Variants in ACTN2 observed in about 807,000 individuals in gnomAD.
ACTN2 encodes alpha-actinin-2.
ACTN2 carries 39 observed loss-of-function variants against 113.8 expected under a neutral mutation model. The ratio of observed to expected loss-of-function variants is 0.34; its 90% CI spans 0.27 to 0.45. The LOEUF is 0.45. ACTN2 is among the 20% of genes least tolerant of loss of function. ACTN2 has a pLI of 1.00. For synonymous variants in ACTN2, 429 were observed against 444.1 expected, an observed-to-expected ratio of 0.97 and a Z score of 0.43; for missense variants, 992 against 1,177.9, an observed-to-expected ratio of 0.84 and a Z score of 2.31.
chr1:236,737,584 A>C, intron 9 of ACTN2, among the ~76,000 whole-genome samples: 2 of 149,604 alleles, frequency 1.3e-5, no homozygotes, highest in African/African-American at 2.5e-5. Flanking sequence ...TACCAACATC[A>C]CATAGGATGC....
intron 8 of ACTN2, chr1:236,736,882 G>A (rs745362452): frequency 6.6e-5 from 40 of 604,736 alleles, no homozygotes; most frequent in East Asian, 2.5e-4. Context: ...CTCTCTCCCC[G>A]TTATTCCCTA....
At chr1:236,759,696 C>G (rs1028596844) in intron 18 of ACTN2, 28 bp from the exon 19 acceptor site, 1 of 1,608,472 alleles carries the variant, frequency 6.2e-7, no homozygotes, top group African/African-American at 1.3e-5. Flanking sequence ...CTGTGCTCAC[C>G]TGCTCTGTCC....
intron 10 of ACTN2, among the ~76,000 whole-genome samples, chr1:236,740,008 C>T (rs1659019177): frequency 6.6e-6 from 1 of 152,188 alleles, no homozygotes; most frequent in African/African-American, 2.4e-5. Flanking sequence ...AAGCTAAAAC[C>T]AAGGACTCCA....
chr1:236,751,907 G>GGTTGTGTCCTAATACCATATA (rs1659407637), intron 15 of ACTN2, among the ~76,000 whole-genome samples: 1 of 152,068 alleles, frequency 6.6e-6, no homozygotes. Flanking sequence ...CACAACCACT[G>GGTTGTGTCCTAATACCATATA]TAGGTTATGA....
Position 236,739,399 on chromosome 1 carries a change from A to T in ACTN2, c.974A>T (p.Asp325Val). The T allele has an allele frequency of 5.6e-6, 9 of 1,614,028 alleles. No individual in the cohort carries two copies. The highest frequency in any genetic ancestry group is 7.6e-6 in the Non-Finnish European group (9 of 1,180,014). ...CAGAAGAAGCTGGAGGACTTCCGGG[A>T]TTACCGCCGGAAGCACAAGCCACCC... is the stretch of plus-strand genomic sequence containing the variant. ...AMQKKLEDFR[D>V]YRRKHKPPKV... Residue 325 changes from aspartate (D) to valine (V), a missense_variant, in exon 10 of 21, where the codon GAT becomes GTT. Asp to Val is a radical substitution (Grantham distance 152). Transcript: ENST00000366578.
intron 10 of ACTN2, among the ~76,000 whole-genome samples, chr1:236,740,947 C>T (rs1315851464): frequency 6.6e-6 from 1 of 152,236 alleles, no homozygotes; most frequent in African/African-American, 2.4e-5. Context: ...TGCCTCCTCC[C>T]TCTACCTGTA....
At chr1:236,713,071 C>A (rs977146926) in intron 1 of ACTN2, among the ~76,000 whole-genome samples, 1 of 151,716 alleles carries the variant, frequency 6.6e-6, no homozygotes, top group Admixed American at 6.6e-5. Context: ...ACTGTAATAA[C>A]TTAATTATCC....
chr1:236,721,631 G>C (rs548200980), intron 4 of ACTN2, among the ~76,000 whole-genome samples: 1 of 152,062 alleles, frequency 6.6e-6, no homozygotes, highest in African/African-American at 2.4e-5. Flanking sequence ...GAAACAAGAG[G>C]CTTCCTAAAA....
intron 4 of ACTN2, among the ~76,000 whole-genome samples, chr1:236,724,280 C>T (rs1395079727): frequency 6.6e-6 from 1 of 152,172 alleles, no homozygotes; most frequent in African/African-American, 2.4e-5. Flanking sequence ...CCCTCGTGAC[C>T]TCATCTCACC....
Position 236,727,693 on chromosome 1 carries a change from T to C in ACTN2, c.552T>C (p.Leu184=). The C allele has an allele frequency of 6.2e-7, 1 of 1,614,106 alleles. No individual in the cohort carries two copies. Among genetic ancestry groups the C allele is most frequent in the Non-Finnish European group, 8.5e-7 (1 of 1,179,974 alleles). The change falls in exon 6 of 21, where the codon CTT becomes CTC. Residue 184 remains leucine, a synonymous_variant. Coordinates refer to ENST00000366578, the MANE Select transcript of ACTN2 (RefSeq NM_001103.4). Reference sequence around the variant, plus strand: ...GGCTGTGAAGCTGGAAAGATGGCCTTGGACTCTGTGCCCTCATCCACCGAC... The same window carrying C: ...GGCTGTGAAGCTGGAAAGATGGCCTCGGACTCTGTGCCCTCATCCACCGAC... ...QNFHTSWKDG[L]GLCALIHRHR... is the part of the protein sequence containing the mutation.
chr1:236,725,457 GTC>G (rs1269224757), intron 4 of ACTN2, among the ~76,000 whole-genome samples: 1 of 151,878 alleles, frequency 6.6e-6, no homozygotes, highest in African/African-American at 2.4e-5. Flanking sequence ...GCAAAATCCT[GTC>G]TCTACTAAAA....
At chr1:236,690,807 G>T (rs1466538105) in intron 1 of ACTN2, among the ~76,000 whole-genome samples, 2 of 152,048 alleles carry the variant, frequency 1.3e-5, no homozygotes, top group Admixed American at 6.6e-5. Flanking sequence ...ACAATTCAGT[G>T]GTGGTACGTC....
chr1:236,740,058 A>G (rs1158128541), intron 10 of ACTN2, among the ~76,000 whole-genome samples: 1 of 152,128 alleles, frequency 6.6e-6, no homozygotes, highest in African/African-American at 2.4e-5. Context: ...CTTCACAGCA[A>G]AACATCTAGA....
intron 3 of ACTN2, 48 bp from the exon 4 acceptor site, chr1:236,720,057 T>C: frequency 1.5e-6 from 2 of 1,338,114 alleles, no homozygotes; most frequent in Non-Finnish European, 2.2e-6. Context: ...AAAAGTTACG[T>C]ACAGACTATG....
chr1:236,701,501 G>A (rs1657674589), intron 1 of ACTN2, among the ~76,000 whole-genome samples: 1 of 152,202 alleles, frequency 6.6e-6, no homozygotes, highest in Admixed American at 6.5e-5. Flanking sequence ...GGGGCCACCA[G>A]CCCGGCTGAG....
Position 236,753,938 on chromosome 1 carries a change from C to T in ACTN2, c.1840-9C>T. ...GCCTCTAACCCTTGTTGTCCTTGGG[C>T]CCTGACAGGTGAAGCAACTCGTGCC... is the stretch of plus-strand genomic sequence containing the variant. On this transcript the variant is annotated splice_polypyrimidine_tract_variant and intron_variant, in intron 15 of 20. Coordinates refer to ENST00000366578, the MANE Select transcript of ACTN2 (RefSeq NM_001103.4). The T allele has an allele frequency of 6.2e-7, 1 of 1,610,810 alleles. No individual in the cohort carries two copies. Among genetic ancestry groups the T allele is most frequent in the East Asian group, 2.2e-5 (1 of 44,674 alleles).
intron 5 of ACTN2, 95 bp downstream of exon 5, chr1:236,726,115 C>A: frequency 9.0e-7 from 1 of 1,111,136 alleles, no homozygotes. Context: ...TTCCTCCTGT[C>A]TGAGAAGCCT....
chr1:236,689,332 TATATATAC>T (rs1300313823), intron 1 of ACTN2, among the ~76,000 whole-genome samples: 2 of 35,864 alleles, frequency 5.6e-5, no homozygotes, highest in Non-Finnish European at 1.1e-4. Context: ...TATATATATA[TATATATAC>T]ACACACATAT....
chr1:236,723,489 G>A lies in ACTN2; in HGVS notation c.449-2444G>A, dbSNP rs1006233887. Among the ~76,000 whole-genome samples, 4 of 152,100 alleles carry A rather than the reference G, an allele frequency of 2.6e-5. No individual in the cohort carries two copies. The East Asian group carries it at 7.7e-4, about 29-fold the overall frequency. ...GTTTTGTTTTGTTTTGTTTGAGACA[G>A]GAGTCTCACTCTGTCACCCAGGCTG... On this transcript the variant is annotated intron_variant, in intron 4 of 20. Coordinates refer to ENST00000366578, the MANE Select transcript of ACTN2 (RefSeq NM_001103.4).
Sources: gnomAD v4.1 joint callset for allele counts (sites outside exome capture counted in the v4.1 genomes callset) on GRCh38, gnomAD v4.1.1 for gene constraint, MANE v1.5 for transcripts, NCBI Gene and HGNC (gene_info 2026-07-23, HGNC 2026-07-21) for gene names.